The following NRXN1 variants were observed in gnomAD, a reference collection of about 807,000 sequenced individuals.
The protein encoded by NRXN1 is neurexin 1, also known as neurexin-1.
A neutral mutation model predicts 150.9 loss-of-function variants in NRXN1; 39 were observed. The ratio of observed to expected loss-of-function variants is 0.26; its 90% CI spans 0.20 to 0.34. The LOEUF is 0.34. Among genes scored for constraint, NRXN1 ranks in the 10% least tolerant of loss-of-function variants. NRXN1 has a pLI of 1.00. For synonymous variants in NRXN1, 924 were observed against 757.0 expected (o/e 1.22, Z -3.62); for missense variants, 1,815 against 1,949.9 (o/e 0.93, Z 1.30).
chr2:50,773,282 G>C (rs1287588848), intron 5 of NRXN1, among the ~76,000 whole-genome samples: 1 of 152,044 alleles, frequency 6.6e-6, no homozygotes, highest in African/African-American at 2.4e-5. Flanking sequence ...TTTGTCCAGA[G>C]GGTCTCTTTT....
intron 17 of NRXN1, among the ~76,000 whole-genome samples, chr2:50,357,496 T>C (rs2078902693): frequency 6.6e-6 from 1 of 151,782 alleles, no homozygotes; most frequent in East Asian, 1.9e-4. Context: ...TTAGTAGAGA[T>C]GGGGTTTCTC....
At chr2:49,969,269 T>C (rs1677518275) in intron 21 of NRXN1, among the ~76,000 whole-genome samples, 1 of 152,074 alleles carries the variant, frequency 6.6e-6, no homozygotes, top group Non-Finnish European at 1.5e-5. Flanking sequence ...CTAGCTGTGC[T>C]AATGGAGGGA....
intron 2 of NRXN1, among the ~76,000 whole-genome samples, chr2:51,017,107 G>A (rs970908488): frequency 4.6e-5 from 7 of 151,882 alleles, no homozygotes; most frequent in Admixed American, 3.3e-4. Context: ...CCTGTCAGGG[G>A]GTGGGGGTCT....
chr2:50,132,949 A>C (rs568675615), intron 18 of NRXN1, among the ~76,000 whole-genome samples: 10 of 151,654 alleles, frequency 6.6e-5, no homozygotes, highest in South Asian at 2.1e-4. Flanking sequence ...TTTTATACCC[A>C]AAAAAACACT....
intron 18 of NRXN1, among the ~76,000 whole-genome samples, chr2:50,129,578 C>A (rs1705161397): frequency 6.6e-6 from 1 of 152,052 alleles, no homozygotes; most frequent in Non-Finnish European, 1.5e-5. Flanking sequence ...GTTTCATAAA[C>A]CATGCTCCAT....
chr2:50,653,174 A>C (rs1685892895), intron 5 of NRXN1, among the ~76,000 whole-genome samples: 1 of 152,058 alleles, frequency 6.6e-6, no homozygotes, highest in Admixed American at 6.6e-5. Context: ...CATATGTTAA[A>C]AGAAAAACTT....
chr2:50,305,351 T>C (rs1276459293), intron 17 of NRXN1, among the ~76,000 whole-genome samples: 5 of 152,166 alleles, frequency 3.3e-5, no homozygotes, highest in African/African-American at 1.2e-4. Flanking sequence ...TGTACAAATG[T>C]TTGTTAAATA....
intron 5 of NRXN1, among the ~76,000 whole-genome samples, chr2:50,836,166 C>T (rs892088574): frequency 6.6e-5 from 10 of 152,154 alleles, no homozygotes; most frequent in Non-Finnish European, 1.2e-4. Context: ...TGTTTTCCTT[C>T]GACGGTCGTC....
chr2:50,482,797 G>A (rs1290377944), intron 15 of NRXN1, among the ~76,000 whole-genome samples: 1 of 152,034 alleles, frequency 6.6e-6, no homozygotes, highest in African/African-American at 2.4e-5. Flanking sequence ...AAAACAGAAT[G>A]CAATAAAGAA....
chr2:50,053,197 G>A (rs1295014670), intron 21 of NRXN1, 74 bp downstream of exon 21: 2 of 1,467,420 alleles, frequency 1.4e-6, no homozygotes, highest in East Asian at 4.5e-5. Context: ...ATTTAGAAAA[G>A]ACGCATATGC....
intron 19 of NRXN1, among the ~76,000 whole-genome samples, chr2:50,056,513 C>T (rs949489064): frequency 1.3e-5 from 2 of 152,010 alleles, no homozygotes; most frequent in African/African-American, 2.4e-5. Flanking sequence ...TCTGTGATCA[C>T]TAAAACATTG....
At chr2:50,487,567 T>C (rs6722766) in intron 15 of NRXN1, among the ~76,000 whole-genome samples, 8,456 of 152,260 alleles carry the variant, frequency 0.056, 821 homozygotes, top group African/African-American at 0.19. Context: ...TTTTGAGCAT[T>C]TCTACCGTGG....
At chr2:50,195,638 TC>T (rs1179482376) in intron 18 of NRXN1, among the ~76,000 whole-genome samples, 1 of 152,138 alleles carries the variant, frequency 6.6e-6, no homozygotes, top group Non-Finnish European at 1.5e-5. Context: ...GTCACTCTCC[TC>T]CCTCTTCCCA....
chr2:50,386,486 T>C (rs1248885408), intron 17 of NRXN1, among the ~76,000 whole-genome samples: 1 of 152,120 alleles, frequency 6.6e-6, no homozygotes, highest in Non-Finnish European at 1.5e-5. Context: ...TGTCTTTTTT[T>C]CAGCAAACCC....
At chr2:51,006,555 TA>T (rs70958637) in intron 2 of NRXN1, among the ~76,000 whole-genome samples, 26,355 of 150,878 alleles carry the variant, frequency 0.17, 3,473 homozygotes, top group African/African-American at 0.37. Context: ...TAATAAAATT[TA>T]AAAAAAAAGA....
rs374317434 is a variant in NRXN1 at position 49,919,891 on chromosome 2, T to A, written c.*2053A>T. On this transcript the variant is annotated 3_prime_UTR_variant, in exon 23 of 23. Coordinates refer to ENST00000401669, the MANE Select transcript of NRXN1 (RefSeq NM_001330078.2). ...GAAATCCAGGCCACTTCTTGGCTTT[T>A]TTTTCATCAACTAAAGTATCACAAA... 1.3e-5 allele frequency: 2 copies of A among 152,170 alleles called. No homozygotes were observed. Among genetic ancestry groups the A allele is most frequent in the African/African-American group, 2.4e-5 (1 of 41,464 alleles). 9.4% of individuals were successfully genotyped at this position (152,170 alleles called of 1,614,324 possible). A position where few individuals can be genotyped will look rare whatever the true frequency, so the allele number is the denominator to read the frequency against.
At chr2:50,909,299 G>C (rs1005970345) in intron 5 of NRXN1, among the ~76,000 whole-genome samples, 2 of 152,036 alleles carry the variant, frequency 1.3e-5, no homozygotes, top group Admixed American at 1.3e-4. Flanking sequence ...AACAAGTACA[G>C]CCTTCTGAAA....
intron 18 of NRXN1, among the ~76,000 whole-genome samples, chr2:50,226,844 T>C (rs993984532): frequency 7.9e-5 from 12 of 151,990 alleles, no homozygotes; most frequent in African/African-American, 2.4e-4. Context: ...GCCTTTAACC[T>C]GAGCAGCACC....
intron 2 of NRXN1, among the ~76,000 whole-genome samples, chr2:50,999,086 G>T (rs1214611620): frequency 8.6e-5 from 13 of 151,972 alleles, no homozygotes; most frequent in Admixed American, 5.9e-4. Context: ...TTTACCTGAA[G>T]AAGACTAAGC....
Sources: gnomAD v4.1 joint callset for allele counts (sites outside exome capture counted in the v4.1 genomes callset) on GRCh38, gnomAD v4.1.1 for gene constraint, MANE v1.5 for transcripts, NCBI Gene and HGNC (gene_info 2026-07-23, HGNC 2026-07-21) for gene names.